Variants in ARAP2 observed in about 807,000 individuals in gnomAD.
The protein encoded by ARAP2 is ArfGAP with RhoGAP domain, ankyrin repeat and PH domain 2.
A neutral mutation model predicts 194.5 loss-of-function variants in ARAP2; 148 were observed. The ratio of observed to expected loss-of-function variants is 0.76; its 90% CI spans 0.67 to 0.87. The LOEUF (loss-of-function observed/expected upper bound fraction) is 0.87, where lower values mean the gene tolerates loss of function less well. Ranked by LOEUF, ARAP2 falls within the 40% of genes least tolerant of loss-of-function variation. ARAP2 has a pLI of 0.00. For synonymous variants in ARAP2, 695 were observed against 683.5 expected (o/e 1.02, Z -0.26); for missense variants, 2,128 against 1,989.7 (o/e 1.07, Z -1.32).
At chr4:36,102,850 C>T (rs1208179509) in intron 27 of ARAP2, among the ~76,000 whole-genome samples, 1 of 151,770 alleles carries the variant, frequency 6.6e-6, no homozygotes, top group Non-Finnish European at 1.5e-5. Flanking sequence ...AATAGGGTTT[C>T]TCACCACAGA....
exon 9 of ARAP2, chr4:36,012,692 C>A (rs1230931870): frequency 2.6e-5 from 4 of 152,206 alleles, no homozygotes; most frequent in African/African-American, 7.2e-5. Flanking sequence ...GGGCATACTT[C>A]TTCATGCTGT....
In ARAP2 at chr4:36,106,478, TA is replaced by T. The variant is rs10577408; in HGVS notation, c.4285+1086del. ...CACGTAAGTAAAAGTATGTAAGATATAAAAGACAGTGTATTAAATCAGAAGT... is the reference window on the plus strand; with the variant it reads ...CACGTAAGTAAAAGTATGTAAGATATAAAGACAGTGTATTAAATCAGAAGT... On this transcript the variant is annotated intron_variant, in intron 27 of 32. Coordinates refer to ENST00000303965, the MANE Select transcript of ARAP2 (RefSeq NM_015230.4). Among the ~76,000 whole-genome samples, 3 of 151,700 alleles carry T rather than the reference TA, an allele frequency of 2.0e-5. No homozygotes were observed. The East Asian group carries it at 5.9e-4, about 30-fold the overall frequency.
At chr4:36,228,441 T>C (rs921573503) in intron 2 of ARAP2, 141 bp downstream of exon 2, 6 of 888,988 alleles carry the variant, frequency 6.7e-6, no homozygotes, top group Non-Finnish European at 8.1e-6. Flanking sequence ...GATGAAGACT[T>C]TTTTTTTAAA....
intron 28 of ARAP2, among the ~76,000 whole-genome samples, chr4:36,088,830 A>G (rs553110538): frequency 1.3e-5 from 2 of 152,264 alleles, no homozygotes; most frequent in East Asian, 1.9e-4. Context: ...TTTGTAACAT[A>G]TTAACAGATG....
At chr4:36,083,596 CTT>C (rs1479974219) in intron 28 of ARAP2, 146 bp from the exon 29 acceptor site, 2 of 607,694 alleles carry the variant, frequency 3.3e-6, no homozygotes, top group South Asian at 2.2e-5. Context: ...AATGAAGACT[CTT>C]TGGATTTACA....
chr4:36,064,849 A>C, downstream of ARAP2, among the ~76,000 whole-genome samples: 1 of 152,164 alleles, frequency 6.6e-6, no homozygotes. Context: ...CATAAAGGAG[A>C]GAAAAGACAT....
intron 9 of ARAP2, among the ~76,000 whole-genome samples, chr4:36,011,265 T>A (rs1342932574): frequency 1.3e-5 from 2 of 152,092 alleles, no homozygotes; most frequent in Non-Finnish European, 2.9e-5. Context: ...CCATTACACG[T>A]TTTTCAAGTC....
rs1196885196 is a variant in ARAP2 at position 36,082,292 on chromosome 4, T to C, written c.4509-6A>G. On this transcript the variant is annotated splice_region_variant and splice_polypyrimidine_tract_variant and intron_variant, in intron 29 of 32. Coordinates refer to ENST00000303965, the MANE Select transcript of ARAP2 (RefSeq NM_015230.4). ...AATATGCGGTCAATCCCCAGCTGCA[T>C]CACATAGAAAAAAAAACACACATAA... 1.2e-6 allele frequency: 2 copies of C among 1,606,224 alleles called. No individual in the cohort carries two copies. Among genetic ancestry groups the C allele is most frequent in the Non-Finnish European group, 1.7e-6 (2 of 1,177,158 alleles).
intron 8 of ARAP2, among the ~76,000 whole-genome samples, chr4:36,014,824 T>C (rs1191800925): frequency 6.6e-6 from 1 of 152,116 alleles, no homozygotes; most frequent in Admixed American, 6.5e-5. Context: ...CATGATGGAA[T>C]TAGTATCTTT....
chr4:36,154,217 T>C (rs975884407), intron 15 of ARAP2, among the ~76,000 whole-genome samples: 1 of 152,190 alleles, frequency 6.6e-6, no homozygotes, highest in Non-Finnish European at 1.5e-5. Flanking sequence ...ATGAATTTGC[T>C]TCATGTTGAG....
At position 36,041,996 on chromosome 4, in the gene ARAP2, C is replaced by T. The variant is rs377421964; in HGVS notation, n.607+3983G>A. On this transcript the variant is annotated intron_variant and non_coding_transcript_variant, in intron 5 of 12. Coordinates refer to the ARAP2 transcript ENST00000503225. ...TAAGAACTTAATGAACACAAAGAAG[C>T]AAACAACAAACACTGGGGTCTACTT... Among the ~76,000 whole-genome samples, 33 of 151,978 alleles carry T rather than the reference C, an allele frequency of 2.2e-4. No homozygotes were observed. The East Asian group carries it at 5.6e-3, about 26-fold the overall frequency.
At chr4:36,068,323 C>A in intron 32 of ARAP2, 45 bp from the exon 33 acceptor site, 2 of 1,494,126 alleles carry the variant, frequency 1.3e-6, no homozygotes, top group Admixed American at 4.8e-5. Context: ...AGATTTGGCA[C>A]AATTTAGGTT....
rs886248051 is a variant in ARAP2 at position 36,151,059 on chromosome 4, C to T, written c.2753-15G>A. The T allele has an allele frequency of 3.8e-6, 6 of 1,574,848 alleles. No homozygotes were observed. In the African/African-American group the frequency reaches 6.9e-5, roughly 18 times the overall value. On this transcript the variant is annotated splice_polypyrimidine_tract_variant and intron_variant, in intron 15 of 32. Coordinates refer to ENST00000303965, the MANE Select transcript of ARAP2 (RefSeq NM_015230.4). Reference sequence around the variant, plus strand: ...TTTATTTGTCTCTAAGAATTTGAAACAAAACAAATAACAAATTGAGCTAAT... The same window carrying T: ...TTTATTTGTCTCTAAGAATTTGAAATAAAACAAATAACAAATTGAGCTAAT...
intron 27 of ARAP2, among the ~76,000 whole-genome samples, chr4:36,092,944 C>A: frequency 6.6e-6 from 1 of 151,938 alleles, no homozygotes; most frequent in East Asian, 1.9e-4. Flanking sequence ...GGCAAAACTG[C>A]TAAGGTAGAA....
At position 36,014,330 on chromosome 4, in the gene ARAP2, G is replaced by T. The variant is rs1426655860; in HGVS notation, n.1056+1056C>A. On this transcript the variant is annotated intron_variant and non_coding_transcript_variant, in intron 8 of 12. Coordinates refer to the ARAP2 transcript ENST00000503225. ...GGAAGGAAAGAAAGAAAGAGAGAAA[G>T]AAAGAAAGAAAGAAAGAAAGAAAGA... Among the ~76,000 whole-genome samples the T allele has an allele frequency of 7.1e-4, 42 of 59,554 alleles. 2 individuals are homozygous for T. The highest frequency in any genetic ancestry group is 1.7e-3 in the African/African-American group (30 of 17,614). 39.1% of individuals were successfully genotyped at this position (59,554 alleles called of 152,430 possible). A position where few individuals can be genotyped will look rare whatever the true frequency, so the allele number is the denominator to read the frequency against.
At chr4:36,127,447 CACTA>C (rs1038500545) in intron 21 of ARAP2, among the ~76,000 whole-genome samples, 6 of 152,012 alleles carry the variant, frequency 3.9e-5, no homozygotes, top group Admixed American at 6.6e-5. Context: ...CTTTTGCTGA[CACTA>C]ACTAGGGTCA....
In ARAP2 at chr4:36,158,834, C is replaced by A. The variant is rs749944790; in HGVS notation, c.2648G>T (p.Gly883Val). 2.4e-5 allele frequency: 38 copies of A among 1,605,572 alleles called. No individual in the cohort carries two copies. Among genetic ancestry groups the A allele is most frequent in the Non-Finnish European group, 3.1e-5 (36 of 1,177,692 alleles). ...DFPQHDIHSEGVLSQESSQST... is the reference protein window; with the variant it reads ...DFPQHDIHSEVVLSQESSQST... ...CTGGGAAGACTCTTGACTTAATACA[C>A]CCTCGGAATGAATATCATGTTGAGG... The change falls in exon 15 of 33, where the codon GGT (glycine) becomes GTT (valine). Residue 883 changes from glycine to valine, a missense_variant. Transcript: ENST00000303965.
At chr4:36,025,853 T>A (rs1374291510) in intron 5 of ARAP2, among the ~76,000 whole-genome samples, 4 of 152,234 alleles carry the variant, frequency 2.6e-5, no homozygotes, top group South Asian at 4.1e-4. Flanking sequence ...GTTCATGATT[T>A]TTTTCCCCCA....
chr4:36,108,663 A>G (rs1719060961), intron 26 of ARAP2, among the ~76,000 whole-genome samples: 2 of 152,032 alleles, frequency 1.3e-5, no homozygotes, highest in Non-Finnish European at 2.9e-5. Context: ...TGCAGCATAT[A>G]TTCTTAGCAT....
Sources: allele counts gnomAD v4.1 joint callset (sites outside exome capture counted in the v4.1 genomes callset), GRCh38; gene constraint gnomAD v4.1.1; transcripts MANE v1.5; gene names NCBI Gene and HGNC (gene_info 2026-07-23, HGNC 2026-07-21).